ERLIN2: variants seen among roughly 807,000 people sequenced by gnomAD.
ERLIN2 encodes the protein erlin-2.
In ERLIN2, 22 loss-of-function variants were observed where a neutral mutation model predicts 41.5. The ratio of observed to expected loss-of-function variants is 0.53; its 90% CI spans 0.38 to 0.76. The LOEUF (loss-of-function observed/expected upper bound fraction) is 0.76. Among genes scored for constraint, ERLIN2 ranks in the 30% least tolerant of loss-of-function variants. The pLI is 0.00. For missense variants in ERLIN2, 247 were observed against 414.3 expected, an observed-to-expected ratio of 0.60 and a Z score of 3.51; for synonymous variants, 149 against 150.9, an observed-to-expected ratio of 0.99 and a Z score of 0.09.
rs1243310021 is a variant in ERLIN2 at position 37,746,563 on chromosome 8, TCTCA to T, written c.424+1870_424+1873del. 14 of 954,834 alleles carry T rather than the reference TCTCA, an allele frequency of 1.5e-5. No individual in the cohort carries two copies. The Admixed American group carries it at 2.5e-4, about 17-fold the overall frequency. 59.1% of individuals were successfully genotyped at this position (954,834 alleles called of 1,614,324 possible). A position where few individuals can be genotyped will look rare whatever the true frequency, so the allele number is the denominator to read the frequency against. Reference sequence around the variant, plus strand: ...GATACACAACAGATCATTTTGTTTATCTCACTATCATTTATTAATCTATAATGTA... The same window carrying T: ...GATACACAACAGATCATTTTGTTTATCTATCATTTATTAATCTATAATGTA... On this transcript the variant is annotated intron_variant, in intron 6 of 11. Transcript: ENST00000519638.
chr8:37,738,615 G>A (rs548605115), intron 2 of ERLIN2, among the ~76,000 whole-genome samples: 1 of 152,176 alleles, frequency 6.6e-6, no homozygotes, highest in Non-Finnish European at 1.5e-5. Context: ...GCCGGCTGTG[G>A]TGTCACACAC....
intron 6 of ERLIN2, among the ~76,000 whole-genome samples, chr8:37,748,799 A>G (rs981801896): frequency 2.6e-5 from 4 of 152,340 alleles, no homozygotes; most frequent in Non-Finnish European, 5.9e-5. Context: ...AAACCTGAGA[A>G]GCCCATGCCA....
At position 37,755,384 on chromosome 8, in the gene ERLIN2, GT is replaced by G. The variant is rs981930478; in HGVS notation, c.*1274del. 144 of 152,366 alleles carry G rather than the reference GT, an allele frequency of 9.5e-4. 1 individual carries two copies. The highest frequency in any genetic ancestry group is 3.3e-3 in the African/African-American group (138 of 41,580). The allele number at this position is 152,366 out of a possible 1,614,324, so 9.4% of individuals were successfully genotyped here. A position where few individuals can be genotyped will look rare whatever the true frequency, so the allele number is the denominator to read the frequency against. On this transcript the variant is annotated 3_prime_UTR_variant, in exon 12 of 12. Coordinates refer to ENST00000519638, the MANE Select transcript of ERLIN2 (RefSeq NM_007175.8). ...TGGGGAGAGCAAATTTGAACAAAAG[GT>G]TTTTCTTATATCCTGAGATTGAGGG...
chr8:37,744,455 T>C lies in ERLIN2; in HGVS notation c.298+39T>C, dbSNP rs542317547. The C allele has an allele frequency of 9.3e-6, 15 of 1,611,016 alleles. No individual in the cohort carries two copies. In the South Asian group the frequency reaches 1.3e-4, roughly 14 times the overall value. On this transcript the variant is annotated intron_variant, in intron 5 of 11. Transcript: ENST00000519638. ...GTTTATTCCCACCACCAGCTCACTT[T>C]CCCCAGCATGCCACTCCCGTGTCTG...
intron 8 of ERLIN2, 23 bp downstream of exon 8, chr8:37,749,875 C>T: frequency 6.2e-7 from 1 of 1,607,988 alleles, no homozygotes; most frequent in Non-Finnish European, 8.5e-7. Context: ...TCCGCCTGGG[C>T]TGTGACCACC....
chr8:37,746,138 C>CT, intron 6 of ERLIN2: 1 of 992,762 alleles, frequency 1.0e-6, no homozygotes, highest in Non-Finnish European at 1.2e-6. Flanking sequence ...CTAGCAAGCA[C>CT]TACTTGGCTT....
chr8:37,746,182 G>A lies in ERLIN2; in HGVS notation c.424+1486G>A, dbSNP rs1304235613. 4.0e-6 allele frequency: 4 copies of A among 987,978 alleles called. No homozygotes were observed. In the African/African-American group the frequency reaches 5.2e-5, roughly 13 times the overall value. 61.2% of individuals were successfully genotyped at this position (987,978 alleles called of 1,614,324 possible). On this transcript the variant is annotated intron_variant, in intron 6 of 11. Transcript: ENST00000519638. ...TCATATCCATAAAGGAGGAGCTCAT[G>A]TCTCTAGTCCTGGCCCTTCAACTCA...
At chr8:37,740,134 A>G (rs1802797838) in intron 2 of ERLIN2, among the ~76,000 whole-genome samples, 1 of 152,040 alleles carries the variant, frequency 6.6e-6, no homozygotes. Context: ...CTATGTGCCT[A>G]TTTTTCTCCT....
At position 37,755,318 on chromosome 8, in the gene ERLIN2, A is replaced by G. The variant is rs898274845; in HGVS notation, c.*1203A>G. 19 of 152,238 alleles carry G rather than the reference A, an allele frequency of 1.2e-4. No homozygotes were observed. Among genetic ancestry groups the G allele is most frequent in the Admixed American group, 2.0e-4 (3 of 15,288 alleles). 9.4% of individuals were successfully genotyped at this position (152,238 alleles called of 1,614,324 possible). ...CATTCAAAGGGTTTTCTTTTTCATT[A>G]CTAGGTCAGAACATTTTGAGTCACC... On this transcript the variant is annotated 3_prime_UTR_variant, in exon 12 of 12. Coordinates refer to ENST00000519638, the MANE Select transcript of ERLIN2 (RefSeq NM_007175.8).
At chr8:37,745,835 C>A (rs1354732763) in intron 6 of ERLIN2, 2 of 1,340,192 alleles carry the variant, frequency 1.5e-6, no homozygotes. Context: ...GTAAATTTGC[C>A]GTTGATTTTT....
At chr8:37,753,415 A>C in intron 10 of ERLIN2, 35 bp from the exon 11 acceptor site, 1 of 1,578,198 alleles carries the variant, frequency 6.3e-7, no homozygotes, top group Non-Finnish European at 8.7e-7. Context: ...CAGTTTTAGC[A>C]CTTCACCAAG....
At chr8:37,743,258 G>C (rs1187749490) in intron 4 of ERLIN2, among the ~76,000 whole-genome samples, 1 of 152,194 alleles carries the variant, frequency 6.6e-6, no homozygotes, top group African/African-American at 2.4e-5. Context: ...GTCCACTCAG[G>C]CTGCCATGAC....
At chr8:37,740,927 G>A (rs1802831621) in intron 3 of ERLIN2, among the ~76,000 whole-genome samples, 1 of 152,196 alleles carries the variant, frequency 6.6e-6, no homozygotes, top group African/African-American at 2.4e-5. Flanking sequence ...CATCTCTGAA[G>A]TATGTCCAGC....
At position 37,744,926 on chromosome 8, in the gene ERLIN2, GGAGTA is replaced by G. The variant is rs1429306287; in HGVS notation, c.424+236_424+240del. ...GAGCTTTGGGCACAGGGACCATAGT[GGAGTA>G]GAGTATTCACTTCTGGCCTCAATCA... On this transcript the variant is annotated intron_variant, in intron 6 of 11. Coordinates refer to ENST00000519638, the MANE Select transcript of ERLIN2 (RefSeq NM_007175.8). The G allele has an allele frequency of 3.3e-5, 22 of 670,002 alleles. No homozygotes were observed. In the East Asian group the frequency reaches 4.9e-4, roughly 15 times the overall value. The allele number at this position is 670,002 out of a possible 1,614,324, so 41.5% of individuals were successfully genotyped here.
At chr8:37,746,589 T>C (rs1384009377) in intron 6 of ERLIN2, 1 of 907,444 alleles carries the variant, frequency 1.1e-6, no homozygotes, top group Non-Finnish European at 1.3e-6. Context: ...TAATCTATAA[T>C]GTATCCCTCC....
intron 6 of ERLIN2, among the ~76,000 whole-genome samples, chr8:37,748,608 T>C (rs567546408): frequency 1.8e-4 from 28 of 152,232 alleles, no homozygotes; most frequent in Non-Finnish European, 3.8e-4. Flanking sequence ...TTTCTCTTCC[T>C]CAGAGGCTCT....
intron 9 of ERLIN2, 102 bp from the exon 10 acceptor site, chr8:37,751,524 C>T: frequency 1.0e-6 from 1 of 962,702 alleles, no homozygotes; most frequent in Middle Eastern, 2.1e-4. Context: ...TCTGGGGGCT[C>T]TCCAGACAAG....
At chr8:37,753,339 CA>C (rs1377728866) in intron 10 of ERLIN2, 110 bp from the exon 11 acceptor site, 5 of 831,038 alleles carry the variant, frequency 6.0e-6, no homozygotes, top group South Asian at 2.8e-5. Context: ...CAGAGGCAAT[CA>C]GGGGCGAAGT....
intron 4 of ERLIN2, among the ~76,000 whole-genome samples, chr8:37,744,039 A>C (rs1179518350): frequency 1.3e-5 from 2 of 152,186 alleles, no homozygotes; most frequent in African/African-American, 4.8e-5. Flanking sequence ...GACCCTCCTT[A>C]GTCTTTTCCG....
Sources: gnomAD v4.1 joint callset for allele counts (sites outside exome capture counted in the v4.1 genomes callset) on GRCh38, gnomAD v4.1.1 for gene constraint, MANE v1.5 for transcripts, NCBI Gene and HGNC (gene_info 2026-07-23, HGNC 2026-07-21) for gene names.